Variants in ELAPOR1 observed in about 807,000 individuals in gnomAD.
ELAPOR1 encodes the protein endosome-lysosome associated apoptosis and autophagy regulator 1.
In ELAPOR1, 77 loss-of-function variants were observed where a neutral mutation model predicts 119.7. The ratio of observed to expected loss-of-function variants is 0.64; its 90% CI spans 0.54 to 0.78. ELAPOR1 has a LOEUF of 0.78. ELAPOR1 is among the 30% of genes least tolerant of loss of function. ELAPOR1 has a pLI of 0.00. For missense variants in ELAPOR1, 1,115 were observed against 1,270.4 expected (o/e 0.88, Z 1.86); for synonymous variants, 481 against 487.2 (o/e 0.99, Z 0.17).
chr1:109,145,481 C>T (rs571181934), intron 1 of ELAPOR1, among the ~76,000 whole-genome samples: 1 of 152,096 alleles, frequency 6.6e-6, no homozygotes, highest in Non-Finnish European at 1.5e-5. Flanking sequence ...CATGGCGAAA[C>T]CCTGTCTCTA....
chr1:109,164,341 A>C (rs1291293848), intron 2 of ELAPOR1, among the ~76,000 whole-genome samples, 158 bp from the exon 3 acceptor site: 1 of 152,188 alleles, frequency 6.6e-6, no homozygotes, highest in African/African-American at 2.4e-5. Context: ...TAAGAAAAAT[A>C]AAATCAAATC....
intron 1 of ELAPOR1, among the ~76,000 whole-genome samples, chr1:109,132,525 A>G (rs1294053110): frequency 6.6e-6 from 1 of 152,346 alleles, no homozygotes; most frequent in Non-Finnish European, 1.5e-5. Flanking sequence ...ATAAAATGAC[A>G]ACTTTGACAG....
intron 1 of ELAPOR1, among the ~76,000 whole-genome samples, chr1:109,116,145 T>C (rs1420250018): frequency 6.6e-6 from 1 of 152,264 alleles, no homozygotes; most frequent in Admixed American, 6.5e-5. Flanking sequence ...GAACTCGAAC[T>C]TGTGTACGAA....
chr1:109,201,594 C>T (rs1228103185), intron 21 of ELAPOR1, among the ~76,000 whole-genome samples: 2 of 151,958 alleles, frequency 1.3e-5, no homozygotes, highest in Non-Finnish European at 2.9e-5. Flanking sequence ...GTGGGGAGGG[C>T]GGAAAGAGGG....
At chr1:109,136,749 CAGTT>C (rs1649496911) in intron 1 of ELAPOR1, among the ~76,000 whole-genome samples, 2 of 152,232 alleles carry the variant, frequency 1.3e-5, no homozygotes, top group Non-Finnish European at 1.5e-5. Context: ...TTAAACCTCT[CAGTT>C]AGCAACAGCC....
In ELAPOR1 at chr1:109,197,692, T is replaced by A. The variant is rs111269564; in HGVS notation, c.2302+38T>A. The A allele has an allele frequency of 4.8e-3, 5,723 of 1,184,800 alleles. 3 individuals are homozygous for A. The highest frequency in any genetic ancestry group is 9.0e-3 in the Middle Eastern group (35 of 3,894). The allele number at this position is 1,184,800 out of a possible 1,614,324, so 73.4% of individuals were successfully genotyped here. On this transcript the variant is annotated intron_variant, in intron 16 of 21. Coordinates refer to ENST00000369939, the MANE Select transcript of ELAPOR1 (RefSeq NM_020775.5). The stretch of plus-strand genomic sequence containing the variant: ...GCTGCCTCAGCCTTGTTTGAGAGTG[T>A]GTGTGTGTGTGTGTGTGTGTGTATG...
intron 8 of ELAPOR1, chr1:109,187,515 T>C (rs961127634): frequency 2.9e-5 from 29 of 1,000,864 alleles, no homozygotes; most frequent in Non-Finnish European, 3.1e-5. Context: ...GTTCAACCTA[T>C]AAGGGCACGT....
chr1:109,133,308 T>C (rs1249698574), intron 1 of ELAPOR1, among the ~76,000 whole-genome samples: 1 of 150,720 alleles, frequency 6.6e-6, no homozygotes, highest in African/African-American at 2.4e-5. Flanking sequence ...TATAAGCAAA[T>C]GGACTGGAAA....
intron 4 of ELAPOR1, 109 bp from the exon 5 acceptor site, chr1:109,172,379 A>C: frequency 5.1e-6 from 4 of 777,538 alleles, no homozygotes. Flanking sequence ...GGAAATTGGC[A>C]ACTCTTCCCA....
chr1:109,158,891 CTTTT>C (rs543781555), intron 1 of ELAPOR1, among the ~76,000 whole-genome samples: 5 of 128,720 alleles, frequency 3.9e-5, no homozygotes, highest in Admixed American at 2.4e-4. Flanking sequence ...AAGCTTATGT[CTTTT>C]TTTTTTTTTT....
chr1:109,198,438 T>C (rs1209460646), intron 17 of ELAPOR1, 135 bp from the exon 18 acceptor site: 4 of 715,286 alleles, frequency 5.6e-6, no homozygotes, highest in Non-Finnish European at 2.4e-6. Flanking sequence ...GCCTGTGCAC[T>C]CCCTGTGTGC....
At chr1:109,186,414 A>C in intron 8 of ELAPOR1, 1 of 777,264 alleles carries the variant, frequency 1.3e-6, no homozygotes. Context: ...CTTGGCTCTT[A>C]GGGAGCATAA....
chr1:109,168,431 A>G (rs1651720052), intron 3 of ELAPOR1, among the ~76,000 whole-genome samples: 1 of 152,100 alleles, frequency 6.6e-6, no homozygotes, highest in Admixed American at 6.5e-5. Flanking sequence ...TCTGGCTCAA[A>G]ATAGACAAAA....
At chr1:109,177,502 G>A (rs1162249266) in intron 7 of ELAPOR1, among the ~76,000 whole-genome samples, 6 of 110,082 alleles carry the variant, frequency 5.5e-5, no homozygotes, top group Non-Finnish European at 9.3e-5. Context: ...ATGGGATGGC[G>A]GCCGGGAAGA....
chr1:109,172,535 G>A lies in ELAPOR1; in HGVS notation c.663G>A (p.Met221Ile). 6.2e-7 allele frequency: 1 copy of A among 1,613,842 alleles called. No homozygotes were observed. The highest frequency in any genetic ancestry group is 1.3e-5 in the African/African-American group (1 of 75,020). The change falls in exon 5 of 22, where the codon ATG becomes ATA. Residue 221 changes from methionine (M) to isoleucine (I), a missense_variant. Coordinates refer to ENST00000369939, the MANE Select transcript of ELAPOR1 (RefSeq NM_020775.5). ...CCAATGCAGATGACTCCAGGTGGAT[G>A]AAGACCACAGAGAAAGGATGGGAAT... ...CQPNADDSRW[M>I]KTTEKGWEFH...
intron 16 of ELAPOR1, 111 bp downstream of exon 16, chr1:109,197,765 T>G: frequency 8.2e-7 from 1 of 1,221,924 alleles, no homozygotes; most frequent in Non-Finnish European, 1.1e-6. Context: ...AGGCCCCACA[T>G]GAGGGGCCCA....
At chr1:109,130,984 C>A (rs1220375681) in intron 1 of ELAPOR1, among the ~76,000 whole-genome samples, 2 of 152,090 alleles carry the variant, frequency 1.3e-5, no homozygotes, top group Admixed American at 6.6e-5. Flanking sequence ...AAAATAAATA[C>A]CAAATACTTA....
intron 5 of ELAPOR1, among the ~76,000 whole-genome samples, chr1:109,172,959 T>C (rs1652009595): frequency 6.6e-6 from 1 of 152,016 alleles, no homozygotes; most frequent in African/African-American, 2.4e-5. Context: ...TAGCCAGGTA[T>C]GGTGGCCCAT....
chr1:109,192,951 G>T, intron 14 of ELAPOR1, 77 bp downstream of exon 14: 2 of 1,516,648 alleles, frequency 1.3e-6, no homozygotes, highest in Non-Finnish European at 1.8e-6. Flanking sequence ...TCCTGGGTAG[G>T]GTTCTTGAGA....
Sources: allele counts gnomAD v4.1 joint callset (sites outside exome capture counted in the v4.1 genomes callset), GRCh38; gene constraint gnomAD v4.1.1; transcripts MANE v1.5; gene names NCBI Gene and HGNC (gene_info 2026-07-23, HGNC 2026-07-21).